ANKRD28: variants seen among roughly 807,000 people sequenced by gnomAD.
ANKRD28 encodes the protein ankyrin repeat domain 28, also known as serine/threonine-protein phosphatase 6 regulatory ankyrin repeat subunit A.
In ANKRD28, 44 loss-of-function variants were observed where a neutral mutation model predicts 126.5. The ratio of observed to expected loss-of-function variants is 0.35; its 90% CI spans 0.27 to 0.45. The LOEUF is 0.45. Ranked by LOEUF, ANKRD28 falls within the 20% of genes least tolerant of loss-of-function variation. The pLI, the probability that ANKRD28 is intolerant of heterozygous loss-of-function variation, is 1.00. For synonymous variants in ANKRD28, 442 were observed against 468.5 expected (o/e 0.94, Z 0.73); for missense variants, 1,110 against 1,316.6 (o/e 0.84, Z 2.43).
At chr3:15,749,748 G>A (rs1177693523) in intron 4 of ANKRD28, among the ~76,000 whole-genome samples, 2 of 152,204 alleles carry the variant, frequency 1.3e-5, no homozygotes, top group Non-Finnish European at 2.9e-5. Context: ...GAGCCAAACT[G>A]TAGTGATTGT....
At chr3:15,685,075 A>G (rs1575136740) in intron 21 of ANKRD28, 151 bp downstream of exon 21, 3 of 701,250 alleles carry the variant, frequency 4.3e-6, no homozygotes, top group East Asian at 5.4e-5. Flanking sequence ...GAGTGAGCCT[A>G]CGTACTAAGT....
In ANKRD28 at chr3:15,815,010, T is replaced by A. The variant is rs1351769679; in HGVS notation, c.28-19704A>T. 6.6e-6 allele frequency among the ~76,000 whole-genome samples: 1 copy of A among 151,500 alleles called. No homozygotes were observed. Among genetic ancestry groups the A allele is most frequent in the African/African-American group, 2.4e-5 (1 of 41,364 alleles). The stretch of plus-strand genomic sequence containing the variant: ...CTTAAATATTCCGCAACACCCTGAA[T>A]ATGACATTCCATTCAAAAATACTGT... On this transcript the variant is annotated intron_variant, in intron 1 of 27. Coordinates refer to the ANKRD28 transcript ENST00000399451. This position sits in a 1 kb window ranked among gnomAD's most constrained non-coding sequence, Gnocchi z 4.1.
chr3:15,796,193 A>G (rs2060266386), intron 1 of ANKRD28, among the ~76,000 whole-genome samples: 2 of 152,190 alleles, frequency 1.3e-5, no homozygotes, highest in Non-Finnish European at 2.9e-5. Context: ...AGATTAAGAC[A>G]TAGTAAAGAC....
At chr3:15,847,843 A>T (rs115040720) in intron 1 of ANKRD28, among the ~76,000 whole-genome samples, 1 of 152,204 alleles carries the variant, frequency 6.6e-6, no homozygotes, top group Non-Finnish European at 1.5e-5. Flanking sequence ...ATTGATTCAA[A>T]ACAAAATCCT....
chr3:15,738,026 C>T (rs972957152), intron 4 of ANKRD28, among the ~76,000 whole-genome samples: 4 of 152,024 alleles, frequency 2.6e-5, no homozygotes, highest in African/African-American at 4.8e-5. Context: ...GAAAACATCA[C>T]AACACTACCT....
intron 2 of ANKRD28, among the ~76,000 whole-genome samples, chr3:15,767,918 A>G (rs1421183448): frequency 6.6e-6 from 1 of 151,618 alleles, no homozygotes; most frequent in Non-Finnish European, 1.5e-5. Context: ...CAACAAAAAC[A>G]AAAACAAAAC....
intron 4 of ANKRD28, among the ~76,000 whole-genome samples, chr3:15,743,545 A>AAC (rs4036221): frequency 0.057 from 8,006 of 140,412 alleles, 252 homozygotes; most frequent in Non-Finnish European, 0.067. Flanking sequence ...GTGGCTTTTT[A>AAC]ACACACACAC....
chr3:15,685,487 A>G (rs377648709), intron 20 of ANKRD28, 42 bp from the exon 21 acceptor site: 42 of 1,581,058 alleles, frequency 2.7e-5, no homozygotes, highest in Admixed American at 1.0e-4. Context: ...ATATTATGCT[A>G]AACATTACAT....
At chr3:15,761,333 C>T (rs1347846079) in intron 3 of ANKRD28, among the ~76,000 whole-genome samples, 1 of 152,092 alleles carries the variant, frequency 6.6e-6, no homozygotes, top group Non-Finnish European at 1.5e-5. Context: ...ACAAATTAGC[C>T]TAATTTTGTT....
chr3:15,751,915 T>C (rs1413401052), intron 3 of ANKRD28, 95 bp from the exon 4 acceptor site: 2 of 776,792 alleles, frequency 2.6e-6, no homozygotes, highest in Non-Finnish European at 3.9e-6. Context: ...CCAAATTGGA[T>C]AAATGACAAT....
Position 15,712,140 on chromosome 3 carries a change from C to G in ANKRD28, c.1273G>C (p.Gly425Arg), listed in dbSNP as rs751442347. ...AAAAGGCTGCAAAGGTTACACTTAC[C>G]TGAAGAAAGAAGTTTTCTGCAGCAA... is the stretch of plus-strand genomic sequence containing the variant. The part of the protein sequence containing the change: ...SDCCRKLLSS[G>R]FDIDTPDDFG... Residue 425 changes from glycine to arginine, a missense_variant and splice_region_variant, in exon 11 of 28, where the codon GGA becomes CGA. Transcript: ENST00000683139. 1.0e-5 allele frequency: 16 copies of G among 1,570,504 alleles called. No individual in the cohort carries two copies. In the South Asian group the frequency reaches 1.4e-4, roughly 14 times the overall value.
At chr3:15,678,949 A>G (rs543745347) in intron 23 of ANKRD28, among the ~76,000 whole-genome samples, 1 of 152,002 alleles carries the variant, frequency 6.6e-6, no homozygotes, top group East Asian at 1.9e-4. Context: ...AGTAGTTAAA[A>G]TTTATTTCTT....
Position 15,797,500 on chromosome 3 carries a change from G to A in ANKRD28, c.-979C>T. On this transcript the variant is annotated 5_prime_UTR_variant, in exon 1 of 28. Coordinates refer to ENST00000683139, the MANE Select transcript of ANKRD28 (RefSeq NM_001349278.2). ...AGAATCCTAGTAGAACAAGCAGGCT[G>A]TGAAGGAATTAGAAGGCATTTGAGC... 4 of 984,924 alleles carry A rather than the reference G, an allele frequency of 4.1e-6. No individual in the cohort carries two copies. Among genetic ancestry groups the A allele is most frequent in the Non-Finnish European group, 4.8e-6 (4 of 829,872 alleles). 61.0% of individuals were successfully genotyped at this position (984,924 alleles called of 1,614,324 possible). A position where few individuals can be genotyped will look rare whatever the true frequency, so the allele number is the denominator to read the frequency against.
chr3:15,760,194 G>A (rs2058379279), intron 3 of ANKRD28, among the ~76,000 whole-genome samples: 2 of 152,112 alleles, frequency 1.3e-5, no homozygotes, highest in African/African-American at 4.8e-5. Flanking sequence ...CCTATCAGAG[G>A]GTGGACGATA....
chr3:15,769,167 G>C (rs377193481), intron 2 of ANKRD28, among the ~76,000 whole-genome samples: 1 of 152,160 alleles, frequency 6.6e-6, no homozygotes, highest in Non-Finnish European at 1.5e-5. Flanking sequence ...AGTCATCTGT[G>C]TGTGAGGGAT....
chr3:15,672,782 G>C (rs578064316), intron 27 of ANKRD28, among the ~76,000 whole-genome samples: 10 of 152,038 alleles, frequency 6.6e-5, no homozygotes, highest in Middle Eastern at 6.8e-3. Context: ...CTCTGCATGG[G>C]GGTTATTTTT....
intron 1 of ANKRD28, among the ~76,000 whole-genome samples, chr3:15,835,698 A>G (rs986693341): frequency 2.0e-5 from 3 of 152,210 alleles, no homozygotes; most frequent in Admixed American, 1.3e-4. Flanking sequence ...ATCCCTTCGC[A>G]ATCCTTAGTC....
At chr3:15,747,596 CTTG>C (rs1235114877) in intron 4 of ANKRD28, among the ~76,000 whole-genome samples, 16 of 152,028 alleles carry the variant, frequency 1.1e-4, no homozygotes, top group Non-Finnish European at 2.2e-4. Flanking sequence ...TTTACTGAGA[CTTG>C]TTGTGTGGCC....
intron 2 of ANKRD28, among the ~76,000 whole-genome samples, chr3:15,789,622 C>T (rs1167267589): frequency 2.0e-5 from 3 of 151,872 alleles, no homozygotes; most frequent in Admixed American, 2.0e-4. Context: ...AATTACCATG[C>T]TCTAGATTAA....
Sources: allele counts gnomAD v4.1 joint callset (sites outside exome capture counted in the v4.1 genomes callset), GRCh38; gene constraint gnomAD v4.1.1; non-coding constraint Gnocchi (gnomAD v3.1); transcripts MANE v1.5; gene names NCBI Gene and HGNC (gene_info 2026-07-23, HGNC 2026-07-21).